KIF16B: variants seen among roughly 807,000 people sequenced by gnomAD.
KIF16B encodes kinesin-like protein KIF16B.
In KIF16B, 98 loss-of-function variants were observed where a neutral mutation model predicts 156.3. The ratio of observed to expected loss-of-function variants is 0.63; its 90% CI spans 0.53 to 0.74. The LOEUF is 0.74. Among genes scored for constraint, KIF16B ranks in the 30% least tolerant of loss-of-function variants. The pLI is 0.00. For synonymous variants in KIF16B, 564 were observed against 583.7 expected, an observed-to-expected ratio of 0.97 and a Z score of 0.49; for missense variants, 1,421 against 1,606.5, an observed-to-expected ratio of 0.88 and a Z score of 1.97.
chr20:16,392,494 G>T (rs2065390662), intron 17 of KIF16B, among the ~76,000 whole-genome samples: 1 of 152,188 alleles, frequency 6.6e-6, no homozygotes, highest in Non-Finnish European at 1.5e-5. Context: ...ATGCAAAAGA[G>T]ATTCATAAAA....
intron 15 of KIF16B, among the ~76,000 whole-genome samples, chr20:16,422,823 C>A (rs547786543): frequency 1.2e-3 from 177 of 152,128 alleles, no homozygotes; most frequent in African/African-American, 3.8e-3. Flanking sequence ...CAAATGCAAA[C>A]AAATCAAACA....
At chr20:16,553,831 CAGACAGG>C (rs2070750441) in intron 1 of KIF16B, among the ~76,000 whole-genome samples, 1 of 40,548 alleles carries the variant, frequency 2.5e-5, no homozygotes, top group African/African-American at 7.7e-5. Context: ...GAGCCAGGAG[CAGACAGG>C]AGCAGACAGG....
At chr20:16,517,410 G>A (rs965990615) in intron 3 of KIF16B, among the ~76,000 whole-genome samples, 3 of 152,110 alleles carry the variant, frequency 2.0e-5, no homozygotes, top group African/African-American at 7.2e-5. Flanking sequence ...CACTTACTCC[G>A]GTCTTTCTAA....
chr20:16,343,842 T>A (rs2064183590), intron 23 of KIF16B, among the ~76,000 whole-genome samples: 1 of 151,878 alleles, frequency 6.6e-6, no homozygotes, highest in Non-Finnish European at 1.5e-5. Context: ...TTGGTACTTC[T>A]ATTTTTTTTT....
intron 24 of KIF16B, among the ~76,000 whole-genome samples, chr20:16,321,983 G>T (rs756333744): frequency 6.6e-6 from 1 of 152,008 alleles, no homozygotes; most frequent in African/African-American, 2.4e-5. Context: ...AGAGAATGCT[G>T]AAGGAGAGCT....
chr20:16,359,384 T>C (rs1465210543), intron 22 of KIF16B, among the ~76,000 whole-genome samples: 2 of 152,196 alleles, frequency 1.3e-5, no homozygotes, highest in Non-Finnish European at 2.9e-5. Flanking sequence ...CTGTGTGAGA[T>C]ACCTGCTTCC....
intron 4 of KIF16B, among the ~76,000 whole-genome samples, chr20:16,513,659 TAAAAAAA>T (rs10713040): frequency 8.9e-6 from 1 of 112,722 alleles, no homozygotes; most frequent in Non-Finnish European, 1.8e-5. Flanking sequence ...AAACTACGTT[TAAAAAAA>T]AAAAAAAAAA....
Position 16,523,078 on chromosome 20 carries a change from T to C in KIF16B, c.231+3014A>G, listed in dbSNP as rs141256914. Among the ~76,000 whole-genome samples, 647 of 152,270 alleles carry C rather than the reference T, an allele frequency of 4.2e-3. 6 individuals carry two copies. The highest frequency in any genetic ancestry group is 0.014 in the African/African-American group (598 of 41,538). On this transcript the variant is annotated intron_variant, in intron 3 of 25. Transcript: ENST00000354981. The stretch of plus-strand genomic sequence containing the variant: ...TATGACAAACCCACAGCCAATATCA[T>C]ACTGAATGGGCAAAAGTCGGAAGCA...
intron 22 of KIF16B, among the ~76,000 whole-genome samples, chr20:16,357,631 G>T (rs2064469718): frequency 6.6e-6 from 1 of 152,170 alleles, no homozygotes; most frequent in African/African-American, 2.4e-5. Context: ...CTTTCTCCCA[G>T]ACAGAAAGGG....
intron 23 of KIF16B, among the ~76,000 whole-genome samples, chr20:16,337,117 T>C (rs2064052986): frequency 6.6e-6 from 1 of 152,222 alleles, no homozygotes; most frequent in South Asian, 2.1e-4. Flanking sequence ...TGCAGGCCTC[T>C]CCTGCTAGGT....
chr20:16,301,288 A>C (rs187119970), intron 25 of KIF16B, among the ~76,000 whole-genome samples: 1 of 152,352 alleles, frequency 6.6e-6, no homozygotes, highest in African/African-American at 2.4e-5. Flanking sequence ...GATTAACACT[A>C]CTATAAACAT....
Position 16,371,684 on chromosome 20 carries a change from G to A in KIF16B, c.3428C>T (p.Thr1143Ile). The A allele has an allele frequency of 6.2e-7, 1 of 1,609,566 alleles. No individual in the cohort carries two copies. The highest frequency in any genetic ancestry group is 8.5e-7 in the Non-Finnish European group (1 of 1,176,312). The change falls in exon 21 of 26, where the codon ACA (threonine) becomes ATA (isoleucine). Residue 1143 changes from threonine (T) to isoleucine (I), a missense_variant. Physicochemically the swap from Thr to Ile is moderately conservative, Grantham distance 89. Transcript: ENST00000354981. The stretch of plus-strand genomic sequence containing the variant: ...GCTTACCTTCATCGTGTCTGCAGAT[G>A]TACTGCAGCCTTCACTAATCACACG... ...LHRVISEGCS[T>I]SADTMKDNEK...
Position 16,338,277 on chromosome 20 carries a change from T to C in KIF16B, c.3622-2262A>G, listed in dbSNP as rs1031152359. Among the ~76,000 whole-genome samples the C allele has an allele frequency of 2.0e-5, 3 of 152,162 alleles. No homozygotes were observed. In the East Asian group the frequency reaches 5.8e-4, roughly 29 times the overall value. Reference sequence around the variant, plus strand: ...GCTGGGATGGCGGTCGATACTCTTGTTCTTCACTCCAACTTCCAAATAACT... The same window carrying C: ...GCTGGGATGGCGGTCGATACTCTTGCTCTTCACTCCAACTTCCAAATAACT... On this transcript the variant is annotated intron_variant, in intron 23 of 25. Coordinates refer to ENST00000354981, the MANE Select transcript of KIF16B (RefSeq NM_024704.5).
chr20:16,468,625 T>C (rs1329361799), intron 12 of KIF16B, among the ~76,000 whole-genome samples: 5 of 117,220 alleles, frequency 4.3e-5, no homozygotes, highest in Admixed American at 2.5e-4. Flanking sequence ...AATAAAGGGA[T>C]CAATACTCCA....
intron 12 of KIF16B, among the ~76,000 whole-genome samples, chr20:16,471,420 G>A (rs2067659573): frequency 6.6e-6 from 1 of 152,144 alleles, no homozygotes. Flanking sequence ...CATATTATAA[G>A]TGCTGACACA....
intron 23 of KIF16B, among the ~76,000 whole-genome samples, chr20:16,338,933 G>C (rs2064090935): frequency 6.6e-6 from 1 of 152,112 alleles, no homozygotes. Context: ...AAATTCCAGG[G>C]AATAATGGGA....
intron 12 of KIF16B, among the ~76,000 whole-genome samples, chr20:16,484,530 G>C (rs139176184): frequency 6.6e-6 from 1 of 152,300 alleles, no homozygotes; most frequent in African/African-American, 2.4e-5. Context: ...ACTTTAATGA[G>C]AGGTTGACAA....
intron 12 of KIF16B, among the ~76,000 whole-genome samples, chr20:16,457,025 T>G (rs936176459): frequency 5.9e-5 from 9 of 152,154 alleles, no homozygotes; most frequent in African/African-American, 2.2e-4. Context: ...CCCTCCTCCT[T>G]TTCTCCAATG....
chr20:16,365,830 C>T lies in KIF16B; in HGVS notation c.3498+4756G>A, dbSNP rs544590008. On this transcript the variant is annotated intron_variant, in intron 22 of 25. Transcript: ENST00000354981. ...AATAGAAAATGCCCCTTCCATGCCACGAGAATCACTGACTCACTCAGCTGC... is the reference window on the plus strand; with the variant it reads ...AATAGAAAATGCCCCTTCCATGCCATGAGAATCACTGACTCACTCAGCTGC... 4.6e-5 allele frequency among the ~76,000 whole-genome samples: 7 copies of T among 152,252 alleles called. No homozygotes were observed. In the South Asian group the frequency reaches 6.2e-4, roughly 14 times the overall value.
Sources: gnomAD v4.1 joint callset for allele counts (sites outside exome capture counted in the v4.1 genomes callset) on GRCh38, gnomAD v4.1.1 for gene constraint, MANE v1.5 for transcripts, NCBI Gene and HGNC (gene_info 2026-07-23, HGNC 2026-07-21) for gene names.